Variants in ALOX12 observed in about 807,000 individuals in gnomAD.
ALOX12 encodes arachidonate 12-lipoxygenase, 12S type.
In ALOX12, 62 loss-of-function variants were observed where a neutral mutation model predicts 85.5. The observed-to-expected ratio is 0.73, with a 90% CI of 0.59 to 0.90. The LOEUF (loss-of-function observed/expected upper bound fraction) is 0.90, where lower values mean the gene tolerates loss of function less well. Ranked by LOEUF, ALOX12 falls within the 40% of genes least tolerant of loss-of-function variation. The pLI, the probability that ALOX12 is intolerant of heterozygous loss-of-function variation, is 0.00. For synonymous variants in ALOX12, 299 were observed against 332.7 expected, an observed-to-expected ratio of 0.90 and a Z score of 1.10; for missense variants, 751 against 856.5, an observed-to-expected ratio of 0.88 and a Z score of 1.54.
chr17:6,999,403 C>G lies in ALOX12; in HGVS notation c.744C>G (p.Pro248=), dbSNP rs1273372339. 1 of 1,614,082 alleles carries G rather than the reference C, an allele frequency of 6.2e-7. No individual in the cohort carries two copies. The highest frequency in any genetic ancestry group is 1.3e-5 in the African/African-American group (1 of 74,930). ...PMLLRRSTSL[P]SRLVLPSGME... ...TGTTGAGACGCTCGACCTCTCTGCC[C>G]TCCAGGCTAGTGCTGCCCTCGGGGA... is the stretch of plus-strand genomic sequence containing the variant. The change falls in exon 6 of 14, where the codon CCC becomes CCG. Residue 248 remains proline (P), a synonymous_variant. Transcript: ENST00000251535.
At chr17:6,997,059 A>C in intron 2 of ALOX12, 32 bp downstream of exon 2, 2 of 1,513,134 alleles carry the variant, frequency 1.3e-6, no homozygotes, top group Non-Finnish European at 1.8e-6. Flanking sequence ...AGGAGGCACA[A>C]GGTCTCGGGA....
chr17:6,996,494 C>T (rs1313354571), intron 1 of ALOX12, among the ~76,000 whole-genome samples: 2 of 151,848 alleles, frequency 1.3e-5, no homozygotes, highest in African/African-American at 4.8e-5. Context: ...CAGCCCCCAG[C>T]TCCTTCTCCC....
intron 2 of ALOX12, among the ~76,000 whole-genome samples, chr17:6,998,225 G>T (rs1908543803): frequency 6.6e-6 from 1 of 152,008 alleles, no homozygotes; most frequent in African/African-American, 2.4e-5. Flanking sequence ...ATGAAGTAAG[G>T]CCAGGTAGGG....
intron 13 of ALOX12, 36 bp downstream of exon 13, chr17:7,010,162 T>C: frequency 6.3e-7 from 1 of 1,599,756 alleles, no homozygotes; most frequent in East Asian, 2.2e-5. Flanking sequence ...AAATGACAGT[T>C]GGAAAGGAAA....
Position 6,996,165 on chromosome 17 carries a change from C to T in ALOX12, c.48C>T (p.Ser16=), listed in dbSNP as rs758811245. Residue 16 remains serine (S), a synonymous_variant, in exon 1 of 14, where the codon TCC becomes TCT. Transcript: ENST00000251535. ...IRVATGAWLF[S]GSYNRVQLWL... is the part of the protein sequence containing the mutation. ...TGGCCACCGGGGCCTGGCTCTTCTC[C>T]GGGTCGTACAACCGCGTGCAGCTTT... 1.1e-5 allele frequency: 14 copies of T among 1,254,166 alleles called. No homozygotes were observed. The highest frequency in any genetic ancestry group is 1.4e-5 in the Non-Finnish European group (14 of 992,518). The allele number at this position is 1,254,166 out of a possible 1,614,324, so 77.7% of individuals were successfully genotyped here.
chr17:6,997,554 AAT>A (rs1908507968), intron 2 of ALOX12, among the ~76,000 whole-genome samples: 1 of 91,582 alleles, frequency 1.1e-5, no homozygotes, highest in Admixed American at 1.6e-4. Context: ...GCAAATAGTG[AAT>A]TTTTTTTTTT....
chr17:7,004,091 T>A (rs1353285988), intron 8 of ALOX12, among the ~76,000 whole-genome samples: 1 of 142,038 alleles, frequency 7.0e-6, no homozygotes, highest in African/African-American at 2.5e-5. Context: ...AATTAAAATT[T>A]TAATTTAATA....
At chr17:7,006,341 C>A in intron 10 of ALOX12, 145 bp from the exon 11 acceptor site, 1 of 1,186,692 alleles carries the variant, frequency 8.4e-7, no homozygotes, top group Non-Finnish European at 1.2e-6. Context: ...CCATGAGATG[C>A]TAGTGTGTTT....
rs558327478 is a variant in ALOX12, at chr17:7,002,154, T to A, written c.1161+343T>A. On this transcript the variant is annotated intron_variant, in intron 8 of 13. Coordinates refer to ENST00000251535, the MANE Select transcript of ALOX12 (RefSeq NM_000697.3). Reference sequence around the variant, plus strand: ...CATAAGAACCAACCAGAGAACAGTATCTGGTACTAGAGTTTGAAATCACAA... The same window carrying A: ...CATAAGAACCAACCAGAGAACAGTAACTGGTACTAGAGTTTGAAATCACAA... The A allele has an allele frequency of 6.0e-4, 206 of 345,758 alleles. 2 individuals are homozygous for A. The highest frequency in any genetic ancestry group is 5.2e-3 in the South Asian group (205 of 39,248). 21.4% of individuals were successfully genotyped at this position (345,758 alleles called of 1,614,324 possible).
At chr17:7,009,089 T>C in intron 11 of ALOX12, among the ~76,000 whole-genome samples, 1 of 145,992 alleles carries the variant, frequency 6.8e-6, no homozygotes, top group Middle Eastern at 3.6e-3. Flanking sequence ...AGACAGACTC[T>C]CGTTGTGTCG....
At chr17:6,999,207 G>A (rs1414358334) in intron 5 of ALOX12, 99 bp from the exon 6 acceptor site, 1 of 1,534,728 alleles carries the variant, frequency 6.5e-7, no homozygotes, top group Non-Finnish European at 8.9e-7. Flanking sequence ...GCAGAAGCTG[G>A]GTTCAGGGAG....
chr17:7,002,019 G>C (rs1192806848), intron 8 of ALOX12: 16 of 583,760 alleles, frequency 2.7e-5, no homozygotes, highest in Non-Finnish European at 1.5e-5. Flanking sequence ...AATTCTCAGA[G>C]ATCTGACAGT....
At chr17:7,006,993 C>G (rs1254922056) in intron 11 of ALOX12, among the ~76,000 whole-genome samples, 1 of 152,090 alleles carries the variant, frequency 6.6e-6, no homozygotes, top group Admixed American at 6.5e-5. Flanking sequence ...ATTTTCCCTC[C>G]GAAGCCCACA....
rs772756771 is a variant in ALOX12, at chr17:7,010,058, C to T, written c.1744C>T (p.Pro582Ser). ...VTMATVMGSL[P>S]DVRQACLQMA... is the part of the protein sequence containing the mutation. ...GATGGCCACAGTGATGGGGTCACTA[C>T]CTGATGTCCGGCAGGCCTGTCTTCA... The change falls in exon 13 of 14, where the codon CCT becomes TCT. Residue 582 changes from proline (P) to serine (S), a missense_variant. Transcript: ENST00000251535. 6.2e-7 allele frequency: 1 copy of T among 1,614,222 alleles called. No homozygotes were observed. The highest frequency in any genetic ancestry group is 8.5e-7 in the Non-Finnish European group (1 of 1,180,040).
At chr17:6,996,798 A>G (rs763628706) in intron 1 of ALOX12, 28 bp from the exon 2 acceptor site, 3 of 1,590,384 alleles carry the variant, frequency 1.9e-6, no homozygotes, top group Non-Finnish European at 1.7e-6. Flanking sequence ...CCCTCCTACT[A>G]AGTCTGGCCT....
chr17:6,999,040 G>T lies in ALOX12; in HGVS notation c.630G>T (p.Gln210His), dbSNP rs771993067. ...ACTTTGATCAGATCTTCTGGGGCCAGAAGAGTGCCCTGGCTGGTCAGTGGT... is the reference window on the plus strand; with the variant it reads ...ACTTTGATCAGATCTTCTGGGGCCATAAGAGTGCCCTGGCTGGTCAGTGGT... ...LEDFDQIFWG[Q>H]KSALAEKVRQ... The change falls in exon 5 of 14, where the codon CAG becomes CAT. Residue 210 changes from glutamine (Q) to histidine (H), a missense_variant. By Grantham distance (24) the Gln-to-His change is conservative (BLOSUM62 0). Transcript: ENST00000251535. 1.2e-6 allele frequency: 2 copies of T among 1,613,814 alleles called. No homozygotes were observed. Among genetic ancestry groups the T allele is most frequent in the Non-Finnish European group, 8.5e-7 (1 of 1,180,028 alleles).
At position 7,010,432 on chromosome 17, in the gene ALOX12, G is replaced by C. The variant is rs774393999; in HGVS notation, c.*9G>C. ...ACAGTGTCACCATCTGAGCCCTAGA[G>C]TGACTCTACCTGCAAGATTTCACAT... On this transcript the variant is annotated 3_prime_UTR_variant, in exon 14 of 14. Transcript: ENST00000251535. The C allele has an allele frequency of 1.2e-6, 2 of 1,609,662 alleles. No individual in the cohort carries two copies. The highest frequency in any genetic ancestry group is 2.2e-5 in the East Asian group (1 of 44,838).
chr17:7,009,587 G>GT (rs1909281498), intron 11 of ALOX12, 160 bp from the exon 12 acceptor site: 1 of 655,082 alleles, frequency 1.5e-6, no homozygotes, highest in Admixed American at 2.8e-5. Flanking sequence ...GTAACTAAGT[G>GT]TAAGTGACTG....
At chr17:7,009,872 C>T in intron 12 of ALOX12, 25 bp downstream of exon 12, 3 of 1,613,938 alleles carry the variant, frequency 1.9e-6, no homozygotes, top group Non-Finnish European at 2.5e-6. Context: ...AAGCCCAGGT[C>T]CCTGAAGGCA....
Sources: allele counts gnomAD v4.1 joint callset (sites outside exome capture counted in the v4.1 genomes callset), GRCh38; gene constraint gnomAD v4.1.1; transcripts MANE v1.5; gene names NCBI Gene and HGNC (gene_info 2026-07-23, HGNC 2026-07-21).